Variants in RHPN2 observed in about 807,000 individuals in gnomAD.
RHPN2 encodes rhophilin Rho GTPase binding protein 2.
Under a neutral mutation model 79.0 loss-of-function variants are expected in RHPN2, and 40 were observed. The ratio of observed to expected loss-of-function variants is 0.51; its 90% CI spans 0.39 to 0.66. The LOEUF (loss-of-function observed/expected upper bound fraction) is 0.66. Among genes scored for constraint, RHPN2 ranks in the 30% least tolerant of loss-of-function variants. The pLI, the probability that RHPN2 is intolerant of heterozygous loss-of-function variation, is 0.00. For missense variants in RHPN2, 686 were observed against 883.5 expected (o/e 0.78, Z 2.83); for synonymous variants, 285 against 363.5 (o/e 0.78, Z 2.46).
chr19:33,022,300 G>C (rs1450541611), intron 3 of RHPN2, among the ~76,000 whole-genome samples: 6 of 152,086 alleles, frequency 3.9e-5, no homozygotes, highest in Non-Finnish European at 7.4e-5. Context: ...GTGTGCCAGG[G>C]TCTGTGCCTG....
Position 32,984,990 on chromosome 19 carries a change from C to T in RHPN2, c.1801-4734G>A, listed in dbSNP as rs544574970. Among the ~76,000 whole-genome samples, 14 of 149,970 alleles carry T rather than the reference C, an allele frequency of 9.3e-5. No homozygotes were observed. In the South Asian group the frequency reaches 3.0e-3, roughly 32 times the overall value. On this transcript the variant is annotated intron_variant, in intron 14 of 14. Transcript: ENST00000254260. ...GTATAGTGGTGCACGCCTATAGTCCCAGCTACTTGGTAGGATTTTTTTTTT... is the reference window on the plus strand; with the variant it reads ...GTATAGTGGTGCACGCCTATAGTCCTAGCTACTTGGTAGGATTTTTTTTTT...
At chr19:33,060,394 C>T (rs964968300) in intron 1 of RHPN2, among the ~76,000 whole-genome samples, 1 of 152,178 alleles carries the variant, frequency 6.6e-6, no homozygotes, top group East Asian at 1.9e-4. Context: ...AGATATTGCC[C>T]TTTCTCCAGC....
At position 32,991,817 on chromosome 19, in the gene RHPN2, G is replaced by A. The variant is rs764045922; in HGVS notation, c.1644+6C>T. On this transcript the variant is annotated splice_donor_region_variant and intron_variant, in intron 13 of 14. Transcript: ENST00000254260. ...TTGCTGCCAATCAAGAAAAGCATGT[G>A]CTTACCGAGGCAGAGCAGTAAGGAT... 6 of 1,613,816 alleles carry A rather than the reference G, an allele frequency of 3.7e-6. No homozygotes were observed. Among genetic ancestry groups the A allele is most frequent in the Admixed American group, 1.7e-5 (1 of 59,982 alleles).
intron 2 of RHPN2, among the ~76,000 whole-genome samples, chr19:33,031,418 C>G (rs1972010742): frequency 6.6e-6 from 1 of 152,006 alleles, no homozygotes; most frequent in Admixed American, 6.6e-5. Flanking sequence ...CACCACCACA[C>G]CCGGCTAATT....
intron 2 of RHPN2, among the ~76,000 whole-genome samples, chr19:33,040,250 T>TC (rs1185441841): frequency 6.7e-6 from 1 of 148,542 alleles, no homozygotes; most frequent in African/African-American, 2.5e-5. Flanking sequence ...TTTTTTTTTT[T>TC]TTTTGAGACG....
intron 1 of RHPN2, among the ~76,000 whole-genome samples, chr19:33,045,742 G>A (rs913229643): frequency 6.6e-6 from 1 of 152,158 alleles, no homozygotes; most frequent in African/African-American, 2.4e-5. Flanking sequence ...CCAAAGTGCT[G>A]GGATTACAGG....
rs183083312 is a variant in RHPN2 at position 33,032,074 on chromosome 19, G to A, written c.186-5442C>T. On this transcript the variant is annotated intron_variant, in intron 2 of 14. Transcript: ENST00000254260. ...CTCACTCTTTCCCCCGGGCTGGAAT[G>A]CAGTGGTGCGATCTCAGCTCACTGC... 1.7e-3 allele frequency among the ~76,000 whole-genome samples: 224 copies of A among 130,232 alleles called. 1 individual carries two copies. The highest frequency in any genetic ancestry group is 9.7e-3 in the Middle Eastern group (2 of 206). The allele number at this position is 130,232 out of a possible 152,430, so 85.4% of individuals were successfully genotyped here. A position where few individuals can be genotyped will look rare whatever the true frequency, so the allele number is the denominator to read the frequency against.
chr19:33,016,966 TC>T (rs971032789), intron 4 of RHPN2, among the ~76,000 whole-genome samples: 2 of 152,256 alleles, frequency 1.3e-5, no homozygotes, highest in Admixed American at 6.5e-5. Context: ...GTTGGCCATG[TC>T]CACAACATGT....
At position 32,996,160 on chromosome 19, in the gene RHPN2, A is replaced by G. The variant is rs747094381; in HGVS notation, c.1286T>C (p.Leu429Pro). The G allele has an allele frequency of 6.2e-7, 1 of 1,614,154 alleles. No individual in the cohort carries two copies. The highest frequency in any genetic ancestry group is 8.5e-7 in the Non-Finnish European group (1 of 1,180,014). The change falls in exon 11 of 15, where the codon CTC becomes CCC. Residue 429 changes from leucine to proline, a missense_variant. Physicochemically the swap from Leu to Pro is moderately conservative, Grantham distance 98. Coordinates refer to ENST00000254260, the MANE Select transcript of RHPN2 (RefSeq NM_033103.5). ...CTCAATGCTCCGCAGCTTCTTGCAG[A>G]GGCTGGCCTCCCGCACCGACTCCTC... is the stretch of plus-strand genomic sequence containing the variant. The part of the protein sequence containing the change: ...HHEESVREAS[L>P]CKKLRSIEVL...
chr19:33,003,021 G>T, intron 7 of RHPN2, 21 bp from the exon 8 acceptor site: 1 of 1,610,964 alleles, frequency 6.2e-7, no homozygotes. Flanking sequence ...AAAATGTTTT[G>T]CCCATTAGTT....
chr19:33,021,890 A>G (rs1971927256), intron 3 of RHPN2, among the ~76,000 whole-genome samples: 1 of 152,166 alleles, frequency 6.6e-6, no homozygotes, highest in South Asian at 2.1e-4. Context: ...GGCCCCTGGC[A>G]TCTTGACACT....
intron 12 of RHPN2, 80 bp from the exon 13 acceptor site, chr19:32,992,049 G>A: frequency 6.5e-7 from 1 of 1,528,058 alleles, no homozygotes; most frequent in Non-Finnish European, 9.0e-7. Flanking sequence ...TTTGCCTGCT[G>A]TCCTTGAAGA....
Position 32,996,000 on chromosome 19 carries a change from G to A in RHPN2, c.1420+26C>T, listed in dbSNP as rs570530918. On this transcript the variant is annotated intron_variant, in intron 11 of 14. Coordinates refer to ENST00000254260, the MANE Select transcript of RHPN2 (RefSeq NM_033103.5). ...TTTCCGCGGCACAGGCACCCCCACA[G>A]AGGGAACACAGTCTAGGCTACTCAC... The A allele has an allele frequency of 5.0e-6, 8 of 1,613,312 alleles. No individual in the cohort carries two copies. In the African/African-American group the frequency reaches 6.7e-5, roughly 13 times the overall value.
Position 32,991,852 on chromosome 19 carries a change from G to A in RHPN2, c.1615C>T (p.His539Tyr). The A allele has an allele frequency of 6.2e-7, 1 of 1,613,976 alleles. No homozygotes were observed. The highest frequency in any genetic ancestry group is 8.5e-7 in the Non-Finnish European group (1 of 1,179,876). ...GCAGAGCAGTAAGGATCCAGGAAGT[G>A]AACCTGAACGGGGGCGTTCCCTCTC... is the stretch of plus-strand genomic sequence containing the variant. ...TLRGNAPVQV[H>Y]FLDPYCSASV... Residue 539 changes from histidine to tyrosine, a missense_variant, in exon 13 of 15, where the codon CAC becomes TAC. His to Tyr is a moderately conservative substitution (Grantham distance 83). Coordinates refer to ENST00000254260, the MANE Select transcript of RHPN2 (RefSeq NM_033103.5).
chr19:33,003,812 G>A (rs1599813933), intron 7 of RHPN2, among the ~76,000 whole-genome samples: 1 of 152,146 alleles, frequency 6.6e-6, no homozygotes, highest in East Asian at 1.9e-4. Flanking sequence ...GGTTAGCTGG[G>A]GCTGGAAAAG....
intron 1 of RHPN2, among the ~76,000 whole-genome samples, chr19:33,058,635 C>T (rs922463488): frequency 6.6e-6 from 1 of 152,114 alleles, no homozygotes; most frequent in Non-Finnish European, 1.5e-5. Context: ...CAAAAATTAG[C>T]TGGGCGTGGT....
chr19:32,998,030 C>T (rs3889147), intron 10 of RHPN2, among the ~76,000 whole-genome samples: 64,319 of 151,988 alleles, frequency 0.42, 14,714 homozygotes, highest in African/African-American at 0.6. Context: ...CTGCGTGAGA[C>T]GGGAGCCCAC....
chr19:33,010,159 AC>A (rs1971824414), intron 6 of RHPN2, among the ~76,000 whole-genome samples: 1 of 152,098 alleles, frequency 6.6e-6, no homozygotes, highest in Non-Finnish European at 1.5e-5. Flanking sequence ...AGGAGAAACC[AC>A]CTTTCGCCTT....
chr19:33,017,466 T>C (rs1354732950), intron 4 of RHPN2, among the ~76,000 whole-genome samples: 1 of 152,006 alleles, frequency 6.6e-6, no homozygotes, highest in Non-Finnish European at 1.5e-5. Context: ...GCAACAGACA[T>C]TTCTAGACAT....
Sources: allele counts gnomAD v4.1 joint callset (sites outside exome capture counted in the v4.1 genomes callset), GRCh38; gene constraint gnomAD v4.1.1; transcripts MANE v1.5; gene names NCBI Gene and HGNC (gene_info 2026-07-23, HGNC 2026-07-21).